Variants in ATR observed in about 807,000 individuals in gnomAD.
ATR encodes the protein ATR checkpoint kinase, also known as serine/threonine-protein kinase ATR.
ATR carries 142 observed loss-of-function variants against 305.3 expected under a neutral mutation model. That is an observed-to-expected ratio of 0.47 (90% CI 0.41 to 0.53). ATR has a LOEUF of 0.53. Among genes scored for constraint, ATR ranks in the 20% least tolerant of loss-of-function variants. ATR has a pLI of 0.00. For missense variants in ATR, 2,135 were observed against 3,133.1 expected (o/e 0.68, Z 7.60); for synonymous variants, 1,050 against 1,068.1 (o/e 0.98, Z 0.33).
At chr3:142,485,630 G>T (rs1024050302) in intron 35 of ATR, among the ~76,000 whole-genome samples, 1 of 152,158 alleles carries the variant, frequency 6.6e-6, no homozygotes, top group African/African-American at 2.4e-5. Context: ...ATATGTGTGT[G>T]TGTGTATATA....
chr3:142,509,060 T>C (rs7634158), intron 27 of ATR, among the ~76,000 whole-genome samples: 95,827 of 152,042 alleles, frequency 0.63, 31,150 homozygotes, highest in African/African-American at 0.8. Flanking sequence ...GTCTAGTTTA[T>C]GAATTATTTA....
chr3:142,573,551 GA>G (rs1191484108), intron 1 of ATR, among the ~76,000 whole-genome samples: 13 of 146,580 alleles, frequency 8.9e-5, no homozygotes, highest in African/African-American at 3.3e-4. Context: ...ATTTGCATAT[GA>G]AAGCAAAACA....
chr3:142,562,521 G>C lies in ATR; in HGVS notation c.881C>G (p.Pro294Arg), dbSNP rs1434785489. The C allele has an allele frequency of 3.1e-6, 5 of 1,613,774 alleles. No homozygotes were observed. The East Asian group carries it at 1.1e-4, about 36-fold the overall frequency. ...TAGTGTCTTTATCAGCTTTGATAAT[G>C]GCTCTTCATAGAGTTTCAATTGGTC... ...DTDQLKLYEE[P>R]LSKLIKTLFP... Residue 294 changes from proline to arginine, a missense_variant, in exon 4 of 47, where the codon CCA becomes CGA. Physicochemically the swap from Pro to Arg is moderately radical, Grantham distance 103. Around this residue, in one of 9 missense-constraint regions of ATR, gnomAD observed 744 missense variants for 873.2 expected, o/e 0.85. Coordinates refer to ENST00000350721, the MANE Select transcript of ATR (RefSeq NM_001184.4).
intron 28 of ATR, among the ~76,000 whole-genome samples, chr3:142,507,508 G>C (rs1335389772): frequency 6.6e-6 from 1 of 152,092 alleles, no homozygotes; most frequent in Non-Finnish European, 1.5e-5. Flanking sequence ...AAGAAGTTTG[G>C]GCAACTTAAA....
intron 33 of ATR, 21 bp downstream of exon 33, chr3:142,496,992 A>T (rs190876568): frequency 8.3e-5 from 133 of 1,605,348 alleles, no homozygotes; most frequent in East Asian, 5.6e-4. Flanking sequence ...TGACATTTTT[A>T]AAAAAAGTAG....
In ATR at chr3:142,577,672, G is replaced by A. The variant is rs184585041; in HGVS notation, c.59+974C>T. On this transcript the variant is annotated intron_variant, in intron 1 of 46. Coordinates refer to ENST00000350721, the MANE Select transcript of ATR (RefSeq NM_001184.4). ...GAAGTAGCTATCCCATTGGCTTAATGTCAGCTTTGACTTTGTGTGGAAAGT... is the reference window on the plus strand; with the variant it reads ...GAAGTAGCTATCCCATTGGCTTAATATCAGCTTTGACTTTGTGTGGAAAGT... 2.6e-5 allele frequency among the ~76,000 whole-genome samples: 4 copies of A among 152,336 alleles called. No individual in the cohort carries two copies. In the East Asian group the frequency reaches 7.7e-4, roughly 29 times the overall value.
At position 142,559,143 on chromosome 3, in the gene ATR, C is replaced by A. The variant is rs77316855; in HGVS notation, c.1732+108G>T. On this transcript the variant is annotated intron_variant, in intron 7 of 46. Coordinates refer to ENST00000350721, the MANE Select transcript of ATR (RefSeq NM_001184.4). ...TAATAGAACTGAAATCAGGAAAAAA[C>A]TTCTGAGTATTCCAAACACGCACTT... 1,749 of 1,230,474 alleles carry A rather than the reference C, an allele frequency of 1.4e-3. 17 individuals carry two copies. In the African/African-American group the frequency reaches 0.023, roughly 16 times the overall value. 76.2% of individuals were successfully genotyped at this position (1,230,474 alleles called of 1,614,324 possible).
At chr3:142,545,542 A>C (rs1169560559) in intron 16 of ATR, among the ~76,000 whole-genome samples, 2 of 152,208 alleles carry the variant, frequency 1.3e-5, no homozygotes, top group Non-Finnish European at 2.9e-5. Flanking sequence ...TTTTATGTTA[A>C]GGGCAATGAA....
chr3:142,463,827 CTA>C (rs2071071026), intron 41 of ATR, among the ~76,000 whole-genome samples: 1 of 152,102 alleles, frequency 6.6e-6, no homozygotes, highest in South Asian at 2.1e-4. Flanking sequence ...TCATCTACTG[CTA>C]TATCTTTTCT....
At position 142,521,594 on chromosome 3, in the gene ATR, C is replaced by T. The variant is rs377030942; in HGVS notation, c.4266+1134G>A. On this transcript the variant is annotated intron_variant, in intron 23 of 46. Coordinates refer to ENST00000350721, the MANE Select transcript of ATR (RefSeq NM_001184.4). ...CATGAGAAGTCAAAATATCTATCAA[C>T]ATTAACAGGAGTTTGAAAGAAGTTG... Among the ~76,000 whole-genome samples the T allele has an allele frequency of 3.9e-4, 60 of 152,264 alleles. No individual in the cohort carries two copies. The South Asian group carries it at 0.012, about 31-fold the overall frequency.
chr3:142,514,296 C>G (rs2032749241), intron 25 of ATR, among the ~76,000 whole-genome samples: 1 of 150,802 alleles, frequency 6.6e-6, no homozygotes, highest in African/African-American at 2.4e-5. Flanking sequence ...AAGTTACTAA[C>G]TACGAATTAG....
At chr3:142,520,658 G>C (rs1307423726) in intron 23 of ATR, among the ~76,000 whole-genome samples, 1 of 152,086 alleles carries the variant, frequency 6.6e-6, no homozygotes, top group African/African-American at 2.4e-5. Flanking sequence ...ATCTGAGAGA[G>C]GAGAATAAGT....
In ATR at chr3:142,563,067, G is replaced by A. The variant is rs770922481; in HGVS notation, c.335C>T (p.Ala112Val). 7 of 1,601,650 alleles carry A rather than the reference G, an allele frequency of 4.4e-6. No homozygotes were observed. The Admixed American group carries it at 7.1e-5, about 16-fold the overall frequency. The part of the protein sequence containing the change: ...WIITRLLRIA[A>V]TPSCHLLHKK... The stretch of plus-strand genomic sequence containing the variant: ...GTGTAACAAATGACAGGAGGGAGTT[G>A]CTGCAATCCGCAGAAGTCTCGTTAT... The change falls in exon 4 of 47, where the codon GCA becomes GTA. Residue 112 changes from alanine to valine, a missense_variant. Physicochemically the swap from Ala to Val is moderately conservative, Grantham distance 64. Transcript: ENST00000350721.
At chr3:142,549,719 GA>G in intron 14 of ATR, 46 bp from the exon 15 acceptor site, 2 of 1,565,868 alleles carry the variant, frequency 1.3e-6, no homozygotes, top group Admixed American at 1.7e-5. Flanking sequence ...TTGTCTGGGT[GA>G]AAAAAATATT....
intron 21 of ATR, among the ~76,000 whole-genome samples, chr3:142,528,873 ATATATATT>A (rs1439113871): frequency 2.9e-4 from 14 of 48,612 alleles, no homozygotes; most frequent in African/African-American, 1.7e-3. Context: ...ATATATATAT[ATATATATT>A]TTTTTTTTTT....
At chr3:142,572,120 A>G (rs2035286558) in intron 1 of ATR, among the ~76,000 whole-genome samples, 3 of 146,358 alleles carry the variant, frequency 2.0e-5, no homozygotes, top group African/African-American at 5.1e-5. Flanking sequence ...CCCAGGCTGG[A>G]GCGCAGTGGT....
At chr3:142,540,823 C>A (rs2108437306) in intron 18 of ATR, 81 bp downstream of exon 18, 1 of 1,481,054 alleles carries the variant, frequency 6.8e-7, no homozygotes, top group African/African-American at 1.4e-5. Context: ...CCCAATTTCC[C>A]TCAAAGAGAT....
chr3:142,454,733 G>A (rs1419912507), intron 45 of ATR, among the ~76,000 whole-genome samples: 2 of 152,128 alleles, frequency 1.3e-5, no homozygotes, highest in African/African-American at 2.4e-5. Flanking sequence ...GAGCCACCGC[G>A]CCCGGCCCGA....
rs935607515 is a variant in ATR at position 142,502,623 on chromosome 3, T to C, written c.5288+739A>G. On this transcript the variant is annotated intron_variant, in intron 30 of 46. Transcript: ENST00000350721. ...GTACCCTCAGAATCTAAAATAAAAG[T>C]TGAAAAAAAAGAGAAAGAAAAACTT... is the stretch of plus-strand genomic sequence containing the variant. Among the ~76,000 whole-genome samples the C allele has an allele frequency of 6.6e-5, 10 of 152,148 alleles. No homozygotes were observed. The South Asian group carries it at 2.1e-3, about 32-fold the overall frequency.
Sources: allele counts gnomAD v4.1 joint callset (sites outside exome capture counted in the v4.1 genomes callset), GRCh38; gene constraint gnomAD v4.1.1; regional missense constraint gnomAD v4.1.1; transcripts MANE v1.5; gene names NCBI Gene and HGNC (gene_info 2026-07-23, HGNC 2026-07-21).